The following SLC17A1 variants were observed in gnomAD, a reference collection of about 807,000 sequenced individuals.
SLC17A1 encodes solute carrier family 17 member 1.
A neutral mutation model predicts 53.5 loss-of-function variants in SLC17A1; 51 were observed. That is an observed-to-expected ratio of 0.95 (90% CI 0.76 to 1.20). SLC17A1 has a LOEUF of 1.20. Among genes scored for constraint, SLC17A1 ranks in the 50% most tolerant of loss-of-function variants. SLC17A1 has a pLI of 0.00. For synonymous variants in SLC17A1, 179 were observed against 198.8 expected, an observed-to-expected ratio of 0.90 and a Z score of 0.84; for missense variants, 538 against 568.2, an observed-to-expected ratio of 0.95 and a Z score of 0.54.
intron 3 of SLC17A1, among the ~76,000 whole-genome samples, chr6:25,824,467 C>G (rs1469899787): frequency 6.6e-6 from 1 of 151,490 alleles, no homozygotes; most frequent in African/African-American, 2.4e-5. Flanking sequence ...TTGAATTGAT[C>G]TAAAAGATAA....
the SLC17A1 span, among the ~76,000 whole-genome samples, chr6:25,765,241 A>G: frequency 1.3e-5 from 2 of 152,282 alleles, no homozygotes; most frequent in African/African-American, 4.8e-5. Flanking sequence ...ATAACAGTTC[A>G]TTATATAGCT....
intron 12 of SLC17A1, among the ~76,000 whole-genome samples, chr6:25,797,965 T>C (rs184054211): frequency 2.0e-5 from 3 of 152,340 alleles, no homozygotes; most frequent in Middle Eastern, 3.4e-3. Flanking sequence ...TTGTCGAACA[T>C]ATTCTCTGTT....
At chr6:25,756,479 T>G in the SLC17A1 span, among the ~76,000 whole-genome samples, 1 of 152,154 alleles carries the variant, frequency 6.6e-6, no homozygotes, top group Admixed American at 6.5e-5. Flanking sequence ...TTTCATACCA[T>G]GTGGCATTCT....
intron 10 of SLC17A1, among the ~76,000 whole-genome samples, chr6:25,801,908 T>C (rs1206131306): frequency 1.4e-5 from 2 of 145,470 alleles, no homozygotes; most frequent in East Asian, 4.4e-4. Flanking sequence ...TTTTTGACGA[T>C]CTAGGGAGTG....
chr6:25,814,899 T>C (rs1764284246), intron 6 of SLC17A1, among the ~76,000 whole-genome samples: 1 of 151,548 alleles, frequency 6.6e-6, no homozygotes, highest in Non-Finnish European at 1.5e-5. Flanking sequence ...GGCAGGAGAA[T>C]CGCTTAAATC....
At chr6:25,731,887 T>C in the SLC17A1 span, 12 of 1,602,836 alleles carry the variant, frequency 7.5e-6, no homozygotes, top group Non-Finnish European at 1.0e-5. Context: ...TGGATCTCCC[T>C]GGAGGTGATG....
At chr6:25,745,941 G>A in the SLC17A1 span, among the ~76,000 whole-genome samples, 6 of 152,170 alleles carry the variant, frequency 3.9e-5, no homozygotes, top group Non-Finnish European at 8.8e-5. Flanking sequence ...TAGAAAAAGT[G>A]CCATTGCACA....
rs188142724 is a variant in SLC17A1, at chr6:25,812,042, A to G, written c.898-272T>C. Among the ~76,000 whole-genome samples, 7 of 152,326 alleles carry G rather than the reference A, an allele frequency of 4.6e-5. No individual in the cohort carries two copies. The South Asian group carries it at 8.3e-4, about 18-fold the overall frequency. On this transcript the variant is annotated intron_variant, in intron 8 of 12. Coordinates refer to ENST00000244527, the MANE Select transcript of SLC17A1 (RefSeq NM_005074.5). Reference sequence around the variant, plus strand: ...CACTGGATAATAGAGGAGGAAGACTACATTGGGAATAGGAAATACCGGCCC... The same window carrying G: ...CACTGGATAATAGAGGAGGAAGACTGCATTGGGAATAGGAAATACCGGCCC...
chr6:25,786,780 G>A (rs1407785729), intron 12 of SLC17A1, among the ~76,000 whole-genome samples: 2 of 152,130 alleles, frequency 1.3e-5, no homozygotes, highest in Non-Finnish European at 2.9e-5. Flanking sequence ...CTCAGGAGGG[G>A]TCAGAGGTGG....
At chr6:25,743,579 G>T in the SLC17A1 span, among the ~76,000 whole-genome samples, 1 of 152,192 alleles carries the variant, frequency 6.6e-6, no homozygotes, top group South Asian at 2.1e-4. Flanking sequence ...TAGAGTAGAT[G>T]CAGAAGTCCT....
chr6:25,727,664 G>A, the SLC17A1 span, among the ~76,000 whole-genome samples: 1 of 152,034 alleles, frequency 6.6e-6, no homozygotes, highest in Non-Finnish European at 1.5e-5. Context: ...TGGGACTACA[G>A]GCGTGAGCCA....
intron 10 of SLC17A1, among the ~76,000 whole-genome samples, chr6:25,803,693 G>C (rs571609658): frequency 6.6e-6 from 1 of 152,170 alleles, no homozygotes; most frequent in African/African-American, 2.4e-5. Flanking sequence ...AGTTTCTTTA[G>C]TTGTAAGGTA....
At position 25,819,771 on chromosome 6, in the gene SLC17A1, T is replaced by C; in HGVS notation, c.352A>G (p.Ser118Gly). 1 of 1,614,224 alleles carries C rather than the reference T, an allele frequency of 6.2e-7. No homozygotes were observed. Among genetic ancestry groups the C allele is most frequent in the Non-Finnish European group, 8.5e-7 (1 of 1,180,010 alleles). Residue 118 changes from serine to glycine, a missense_variant, in exon 4 of 13, where the codon AGC (serine) becomes GGC (glycine). Transcript: ENST00000244527. ...KKMIGFALCL[S>G]SVLSLLIPPA... ...GGGATGAGCAGGCTTAACACAGAGCTGAGGCATAATGCAAAGCCAATCATT... is the reference window on the plus strand; with the variant it reads ...GGGATGAGCAGGCTTAACACAGAGCCGAGGCATAATGCAAAGCCAATCATT...
chr6:25,748,699 T>A, the SLC17A1 span, among the ~76,000 whole-genome samples: 1 of 152,136 alleles, frequency 6.6e-6, no homozygotes, highest in Admixed American at 6.5e-5. Flanking sequence ...AAGAGGAATG[T>A]GGTAGGAGAG....
chr6:25,788,470 C>T (rs1043600334), intron 12 of SLC17A1, among the ~76,000 whole-genome samples: 2 of 151,980 alleles, frequency 1.3e-5, no homozygotes, highest in Admixed American at 1.3e-4. Context: ...CCACAGTGGC[C>T]CAGTGAGAGG....
the SLC17A1 span, chr6:25,776,533 T>C: frequency 1.3e-6 from 2 of 1,535,878 alleles, no homozygotes; most frequent in Non-Finnish European, 1.8e-6. Context: ...CTGTCCAAGG[T>C]TGTCTGTGTC....
intron 10 of SLC17A1, among the ~76,000 whole-genome samples, chr6:25,802,611 A>C (rs1392850150): frequency 6.6e-6 from 1 of 152,140 alleles, no homozygotes; most frequent in East Asian, 1.9e-4. Flanking sequence ...TTAGTTCTTC[A>C]AGGAAAGTTT....
intron 3 of SLC17A1, 79 bp downstream of exon 3, chr6:25,826,382 G>T: frequency 8.2e-7 from 1 of 1,223,216 alleles, no homozygotes; most frequent in Non-Finnish European, 1.1e-6. Flanking sequence ...TATCATATCA[G>T]TACAATTCCA....
intron 3 of SLC17A1, among the ~76,000 whole-genome samples, chr6:25,821,477 G>GGTTTT (rs907795982): frequency 6.6e-6 from 1 of 152,152 alleles, no homozygotes; most frequent in Non-Finnish European, 1.5e-5. Flanking sequence ...TGCTCAGCCA[G>GGTTTT]GTTTTGTTTT....
Sources: gnomAD v4.1 joint callset for allele counts (sites outside exome capture counted in the v4.1 genomes callset) on GRCh38, gnomAD v4.1.1 for gene constraint, MANE v1.5 for transcripts, NCBI Gene and HGNC (gene_info 2026-07-23, HGNC 2026-07-21) for gene names.